Variants in MED13 observed in about 807,000 individuals in gnomAD.
The protein encoded by MED13 is mediator of RNA polymerase II transcription subunit 13.
In MED13, 23 loss-of-function variants were observed where a neutral mutation model predicts 225.2. The ratio of observed to expected loss-of-function variants is 0.10; its 90% CI spans 0.07 to 0.14. The LOEUF (loss-of-function observed/expected upper bound fraction) is 0.14. Among genes scored for constraint, MED13 ranks in the 10% least tolerant of loss-of-function variants. The probability of loss-of-function intolerance (pLI) is 1.00; values close to 1 mark genes in which losing one functional copy is unlikely to be tolerated. For missense variants in MED13, 2,197 were observed against 2,594.5 expected (o/e 0.85, Z 3.33); for synonymous variants, 942 against 889.2 (o/e 1.06, Z -1.06).
At chr17:62,060,319 A>G (rs1464346586) in intron 2 of MED13, among the ~76,000 whole-genome samples, 1 of 151,830 alleles carries the variant, frequency 6.6e-6, no homozygotes, top group African/African-American at 2.4e-5. Flanking sequence ...ACCATTCATT[A>G]GCATTCAGTA....
chr17:61,968,033 A>G lies in MED13; in HGVS notation c.4191+2T>C. 7.6e-5 allele frequency: 106 copies of G among 1,399,436 alleles called. No individual in the cohort carries two copies. The highest frequency in any genetic ancestry group is 9.6e-5 in the Non-Finnish European group (95 of 985,146). 86.7% of individuals were successfully genotyped at this position (1,399,436 alleles called of 1,614,324 possible). A position where few individuals can be genotyped will look rare whatever the true frequency, so the allele number is the denominator to read the frequency against. On this transcript the variant is annotated splice_donor_variant, in intron 18 of 29. Transcript: ENST00000397786. LOFTEE classifies it high-confidence loss of function. ...AAATGTCATCTCTTTTTAAACACCT[A>G]CCTCATATATTGCAGTAAGATCTCT...
At chr17:62,051,932 T>C (rs1474622253) in intron 3 of MED13, among the ~76,000 whole-genome samples, 1 of 152,188 alleles carries the variant, frequency 6.6e-6, no homozygotes, top group Non-Finnish European at 1.5e-5. Context: ...AAGGTTTTAA[T>C]TGCATAGGAG....
chr17:61,988,133 A>G (rs9909145), intron 11 of MED13, among the ~76,000 whole-genome samples: 11,396 of 152,078 alleles, frequency 0.075, 1,471 homozygotes, highest in African/African-American at 0.26. Flanking sequence ...TCTGAATCCC[A>G]GCTCCACCAC....
chr17:61,965,583 C>T (rs537834147), intron 19 of MED13, 115 bp from the exon 20 acceptor site: 1 of 1,068,674 alleles, frequency 9.4e-7, no homozygotes, highest in South Asian at 1.7e-5. Context: ...GTAATTATAG[C>T]CCCGAAATTG....
intron 8 of MED13, among the ~76,000 whole-genome samples, chr17:62,011,547 T>C (rs1339593241): frequency 1.3e-5 from 2 of 152,250 alleles, no homozygotes; most frequent in Non-Finnish European, 2.9e-5. Context: ...GGTAAGATTC[T>C]AGTTAAGGTT....
chr17:61,964,629 G>A (rs528415192), intron 20 of MED13, among the ~76,000 whole-genome samples: 4 of 151,856 alleles, frequency 2.6e-5, no homozygotes, highest in East Asian at 3.9e-4. Flanking sequence ...CATTCAAAAC[G>A]TCTTATTTAG....
intron 8 of MED13, among the ~76,000 whole-genome samples, chr17:62,014,873 T>C (rs886960829): frequency 6.6e-6 from 1 of 152,210 alleles, no homozygotes; most frequent in East Asian, 1.9e-4. Context: ...CCAATAGTAG[T>C]TACTAACACA....
intron 3 of MED13, among the ~76,000 whole-genome samples, chr17:62,044,338 T>C (rs2080880607): frequency 6.6e-6 from 1 of 152,138 alleles, no homozygotes; most frequent in Non-Finnish European, 1.5e-5. Context: ...AAAATAACTT[T>C]CTGCAATGAT....
chr17:62,030,860 T>C (rs2080748804), intron 6 of MED13: 1 of 152,240 alleles, frequency 6.6e-6, no homozygotes, highest in African/African-American at 2.4e-5. Context: ...AATAAGCACC[T>C]TGGTAACTAA....
At chr17:62,040,497 G>A (rs1422407035) in intron 3 of MED13, among the ~76,000 whole-genome samples, 1 of 152,200 alleles carries the variant, frequency 6.6e-6, no homozygotes, top group African/African-American at 2.4e-5. Flanking sequence ...AAAGCTGGCT[G>A]CTCTAACAGC....
At chr17:61,990,714 T>TA (rs530606147) in intron 11 of MED13, among the ~76,000 whole-genome samples, 1 of 151,302 alleles carries the variant, frequency 6.6e-6, no homozygotes, top group Admixed American at 6.6e-5. Context: ...ACTTGTCAAT[T>TA]AAAAAAATTA....
intron 8 of MED13, among the ~76,000 whole-genome samples, chr17:62,016,152 A>G (rs1485171701): frequency 8.2e-5 from 12 of 146,748 alleles, no homozygotes; most frequent in African/African-American, 3.1e-4. Flanking sequence ...AATTTGTTCA[A>G]AAACACAAAA....
intron 17 of MED13, among the ~76,000 whole-genome samples, chr17:61,969,691 T>A (rs1049123357): frequency 1.3e-5 from 2 of 152,044 alleles, no homozygotes; most frequent in Non-Finnish European, 2.9e-5. Flanking sequence ...AACCTCCACC[T>A]CCTGGGTTCA....
chr17:61,988,471 C>T (rs1688070329), intron 11 of MED13, among the ~76,000 whole-genome samples: 1 of 152,186 alleles, frequency 6.6e-6, no homozygotes, highest in African/African-American at 2.4e-5. Flanking sequence ...AGTCACTTCC[C>T]CAGTGTCTCT....
At chr17:62,007,802 C>T (rs773868639) in intron 9 of MED13, among the ~76,000 whole-genome samples, 3 of 151,786 alleles carry the variant, frequency 2.0e-5, no homozygotes, top group Non-Finnish European at 2.9e-5. Flanking sequence ...GAGCCAAGAT[C>T]GCGCCACTTC....
intron 9 of MED13, chr17:62,005,567 A>T (rs953102248): frequency 6.6e-6 from 1 of 152,260 alleles, no homozygotes; most frequent in South Asian, 2.1e-4. Flanking sequence ...GACTGCGCCA[A>T]TGCGCTCCAG....
At chr17:61,999,809 C>T (rs1478747431) in intron 9 of MED13, among the ~76,000 whole-genome samples, 5 of 152,094 alleles carry the variant, frequency 3.3e-5, no homozygotes, top group Non-Finnish European at 5.9e-5. Context: ...GTAATCCCAG[C>T]GCTTTGGGAG....
At chr17:62,023,080 A>G (rs1421665394) in intron 8 of MED13, among the ~76,000 whole-genome samples, 2 of 152,224 alleles carry the variant, frequency 1.3e-5, no homozygotes, top group Admixed American at 6.5e-5. Context: ...CTAATTGGCA[A>G]CTAGCCACTT....
At chr17:62,034,813 G>A (rs938997386) in intron 4 of MED13, among the ~76,000 whole-genome samples, 11 of 151,938 alleles carry the variant, frequency 7.2e-5, no homozygotes, top group African/African-American at 1.5e-4. Flanking sequence ...TCCCTTTGTA[G>A]CTATGTTACA....
Sources: gnomAD v4.1 joint callset for allele counts (sites outside exome capture counted in the v4.1 genomes callset) on GRCh38, gnomAD v4.1.1 for gene constraint, MANE v1.5 for transcripts, NCBI Gene and HGNC (gene_info 2026-07-23, HGNC 2026-07-21) for gene names.